Variants in LTN1 observed in about 807,000 individuals in gnomAD.
LTN1 encodes the protein listerin E3 ubiquitin protein ligase 1.
A neutral mutation model predicts 201.2 loss-of-function variants in LTN1; 88 were observed. The ratio of observed to expected loss-of-function variants is 0.44; its 90% confidence interval spans 0.37 to 0.52. The LOEUF (loss-of-function observed/expected upper bound fraction) is 0.52. Ranked by LOEUF, LTN1 falls within the 20% of genes least tolerant of loss-of-function variation. LTN1 has a pLI of 0.00. For synonymous variants in LTN1, 645 were observed against 713.5 expected, an observed-to-expected ratio of 0.90 and a Z score of 1.53; for missense variants, 1,752 against 2,038.7, an observed-to-expected ratio of 0.86 and a Z score of 2.71.
chr21:28,965,402 TAGTC>T (rs2084513366), intron 11 of LTN1, among the ~76,000 whole-genome samples: 1 of 152,228 alleles, frequency 6.6e-6, no homozygotes, highest in African/African-American at 2.4e-5. Flanking sequence ...CTAATTTTCT[TAGTC>T]AGTGGCAATC....
chr21:28,932,969 G>A (rs910918420), intron 27 of LTN1, among the ~76,000 whole-genome samples: 1 of 152,074 alleles, frequency 6.6e-6, no homozygotes, highest in Non-Finnish European at 1.5e-5. Context: ...TGACAGAATG[G>A]GTTATTATGC....
Position 28,959,639 on chromosome 21 carries a change from T to C in LTN1, c.2412A>G (p.Leu804=). 6.2e-7 allele frequency: 1 copy of C among 1,613,716 alleles called. No homozygotes were observed. Among genetic ancestry groups the C allele is most frequent in the South Asian group, 1.1e-5 (1 of 91,068 alleles). ...ERIIVRLHET[L]FKTKKLSEAE... The stretch of plus-strand genomic sequence containing the variant: ...CTTCTGATAATTTCTTTGTTTTGAA[T>C]AAAGTTTCATGAAGTCTAACAATGA... Residue 804 remains leucine, a synonymous_variant, in exon 13 of 30, where the codon TTA becomes TTG. Transcript: ENST00000361371.
chr21:28,957,388 T>C lies in LTN1; in HGVS notation c.2836A>G (p.Ser946Gly), dbSNP rs776792096. The C allele has an allele frequency of 1.2e-6, 2 of 1,607,178 alleles. No individual in the cohort carries two copies. The highest frequency in any genetic ancestry group is 1.7e-6 in the Non-Finnish European group (2 of 1,177,596). Residue 946 changes from serine to glycine, a missense_variant, in exon 15 of 30, where the codon AGT (serine) becomes GGT (glycine). Transcript: ENST00000361371. ...DSYLMGVYIG[S>G]VMPNDSEWEK... The stretch of plus-strand genomic sequence containing the variant: ...CATTCACTGTCGTTCGGCATTACAC[T>C]TCCAATATAAACTCCCATAAGATAA...
At chr21:28,954,466 T>C (rs949210793) in intron 16 of LTN1, among the ~76,000 whole-genome samples, 2 of 152,134 alleles carry the variant, frequency 1.3e-5, no homozygotes, top group African/African-American at 4.8e-5. Flanking sequence ...CTAAGTCCTC[T>C]TAGGGTTCAA....
chr21:28,944,675 C>T, intron 21 of LTN1, 79 bp from the exon 22 acceptor site: 1 of 984,468 alleles, frequency 1.0e-6, no homozygotes. Context: ...AAAGAAAAGC[C>T]CCACTTTCAT....
chr21:28,930,348 G>C lies in LTN1; in HGVS notation c.*100C>G. 1.3e-6 allele frequency: 1 copy of C among 793,524 alleles called. No individual in the cohort carries two copies. Among genetic ancestry groups the C allele is most frequent in the Non-Finnish European group, 2.0e-6 (1 of 490,158 alleles). 49.2% of individuals were successfully genotyped at this position (793,524 alleles called of 1,614,324 possible). On this transcript the variant is annotated 3_prime_UTR_variant, in exon 30 of 30. Coordinates refer to ENST00000361371, the MANE Select transcript of LTN1 (RefSeq NM_015565.3). ...TTTCCAGAGAAGGTCCTATTTAAAAGTAATGCTCACTGGCTTCCCCACATC... is the reference window on the plus strand; with the variant it reads ...TTTCCAGAGAAGGTCCTATTTAAAACTAATGCTCACTGGCTTCCCCACATC...
chr21:28,958,346 G>A (rs1224725622), intron 14 of LTN1, 40 bp downstream of exon 14: 1 of 1,571,124 alleles, frequency 6.4e-7, no homozygotes, highest in Non-Finnish European at 8.6e-7. Context: ...CACTGTTCAA[G>A]TATAAAAGAG....
chr21:28,981,064 G>C (rs1217102060), intron 6 of LTN1, 55 bp downstream of exon 6: 1 of 1,098,972 alleles, frequency 9.1e-7, no homozygotes, highest in African/African-American at 1.6e-5. Flanking sequence ...CATAAACTAA[G>C]AAGATGGGGG....
intron 10 of LTN1, 25 bp downstream of exon 10, chr21:28,966,345 T>C (rs569671182): frequency 6.5e-7 from 1 of 1,542,432 alleles, no homozygotes; most frequent in Admixed American, 2.0e-5. Context: ...TTCAAATAGT[T>C]TGAAAAGATA....
At chr21:28,964,826 G>A in intron 11 of LTN1, 1 of 1,461,548 alleles carries the variant, frequency 6.8e-7, no homozygotes, top group Non-Finnish European at 9.1e-7. Flanking sequence ...CCCCTGCTCT[G>A]AATCAAGGCT....
rs534394684 is a variant in LTN1 at position 28,965,387 on chromosome 21, T to C, written c.2163+478A>G. On this transcript the variant is annotated intron_variant, in intron 11 of 29. Transcript: ENST00000361371. Reference sequence around the variant, plus strand: ...TTCTTTCATTTCTTTTCATTATTCTTACCACTAATTTTCTTAGTCAGTGGC... The same window carrying C: ...TTCTTTCATTTCTTTTCATTATTCTCACCACTAATTTTCTTAGTCAGTGGC... Among the ~76,000 whole-genome samples, 9 of 152,328 alleles carry C rather than the reference T, an allele frequency of 5.9e-5. 1 individual carries two copies. The South Asian group carries it at 1.9e-3, about 32-fold the overall frequency.
intron 7 of LTN1, 136 bp from the exon 8 acceptor site, chr21:28,970,878 T>A: frequency 1.8e-6 from 1 of 554,118 alleles, no homozygotes; most frequent in South Asian, 3.9e-5. Flanking sequence ...TTCACCACCA[T>A]TAAAAACTAA....
intron 6 of LTN1, among the ~76,000 whole-genome samples, chr21:28,977,665 G>A (rs1476437791): frequency 6.6e-6 from 1 of 152,228 alleles, no homozygotes; most frequent in Non-Finnish European, 1.5e-5. Flanking sequence ...GGAGGTTGCA[G>A]TGAGTTGAGA....
intron 27 of LTN1, among the ~76,000 whole-genome samples, chr21:28,933,698 T>A (rs2084230682): frequency 6.7e-6 from 1 of 149,350 alleles, no homozygotes; most frequent in African/African-American, 2.5e-5. Flanking sequence ...TTTTTTGAGA[T>A]GGAGTTTCAC....
At chr21:28,935,839 CAAAAAA>C (rs1190416524) in intron 26 of LTN1, among the ~76,000 whole-genome samples, 1 of 78,914 alleles carries the variant, frequency 1.3e-5, no homozygotes, top group East Asian at 3.9e-4. Flanking sequence ...GACTCCGTCT[CAAAAAA>C]AAAAAAAAAA....
intron 6 of LTN1, among the ~76,000 whole-genome samples, chr21:28,974,061 C>T (rs1398942880): frequency 1.3e-5 from 2 of 152,086 alleles, no homozygotes; most frequent in Non-Finnish European, 2.9e-5. Flanking sequence ...TATAGAAAAT[C>T]TTTGCAAACT....
rs933019942 is a variant in LTN1, at chr21:28,930,386, C to T, written c.*62G>A. ...GCTTCCCCACATCCACACTTTCAGA[C>T]GGATCCAAATCCAATGCCTTTGTTT... On this transcript the variant is annotated 3_prime_UTR_variant, in exon 30 of 30. Transcript: ENST00000361371. The T allele has an allele frequency of 3.2e-5, 41 of 1,297,940 alleles. No individual in the cohort carries two copies. Among genetic ancestry groups the T allele is most frequent in the East Asian group, 2.1e-4 (9 of 42,548 alleles). 80.4% of individuals were successfully genotyped at this position (1,297,940 alleles called of 1,614,324 possible). A position where few individuals can be genotyped will look rare whatever the true frequency, so the allele number is the denominator to read the frequency against.
chr21:28,932,226 C>G (rs1393829895), intron 28 of LTN1, among the ~76,000 whole-genome samples: 1 of 152,164 alleles, frequency 6.6e-6, no homozygotes, highest in Non-Finnish European at 1.5e-5. Context: ...TGTTAATACA[C>G]CTTCTACAGT....
intron 1 of LTN1, among the ~76,000 whole-genome samples, chr21:28,991,576 A>G (rs984110584): frequency 1.3e-5 from 2 of 152,236 alleles, no homozygotes; most frequent in African/African-American, 4.8e-5. Flanking sequence ...CAATTGGTAA[A>G]TGTAGGTAAA....
Sources: allele counts gnomAD v4.1 joint callset (sites outside exome capture counted in the v4.1 genomes callset), GRCh38; gene constraint gnomAD v4.1.1; transcripts MANE v1.5; gene names NCBI Gene and HGNC (gene_info 2026-07-23, HGNC 2026-07-21).